Variants in GABBR2 observed in about 807,000 individuals in gnomAD.
GABBR2 encodes the protein gamma-aminobutyric acid type B receptor subunit 2, also known as G-protein coupled receptor 51.
Under a neutral mutation model 105.6 loss-of-function variants are expected in GABBR2, and 23 were observed. The observed-to-expected ratio is 0.22, with a 90% CI of 0.16 to 0.31. GABBR2 has a LOEUF of 0.31. Among genes scored for constraint, GABBR2 ranks in the 10% least tolerant of loss-of-function variants. The pLI is 1.00. For synonymous variants in GABBR2, 478 were observed against 499.7 expected (o/e 0.96, Z 0.58); for missense variants, 734 against 1,245.5 (o/e 0.59, Z 6.18).
At chr9:98,511,540 A>C (rs1274043811) in intron 3 of GABBR2, among the ~76,000 whole-genome samples, 7 of 150,990 alleles carry the variant, frequency 4.6e-5, no homozygotes, top group African/African-American at 1.5e-4. Context: ...AGAGAGAAGA[A>C]TCAAATAGAC....
chr9:98,656,546 A>C (rs1830186513), intron 1 of GABBR2, among the ~76,000 whole-genome samples: 2 of 152,334 alleles, frequency 1.3e-5, no homozygotes, highest in African/African-American at 4.8e-5. Context: ...ACCTTCCTAT[A>C]ATCTTACCAG....
At chr9:98,344,396 C>T (rs1193037346) in intron 13 of GABBR2, among the ~76,000 whole-genome samples, 3 of 152,194 alleles carry the variant, frequency 2.0e-5, no homozygotes, top group Non-Finnish European at 4.4e-5. Flanking sequence ...GGTTTATCTA[C>T]ACCTGCTATA....
intron 1 of GABBR2, among the ~76,000 whole-genome samples, chr9:98,629,804 T>G (rs1829793174): frequency 6.6e-6 from 1 of 152,216 alleles, no homozygotes; most frequent in African/African-American, 2.4e-5. Flanking sequence ...CAAAGGTCAC[T>G]GAAGTTATTA....
At chr9:98,513,116 T>G (rs1018516438) in intron 3 of GABBR2, among the ~76,000 whole-genome samples, 2 of 152,190 alleles carry the variant, frequency 1.3e-5, no homozygotes, top group Non-Finnish European at 2.9e-5. Flanking sequence ...TCTACAACTA[T>G]CTGATCTTTG....
chr9:98,385,790 C>T lies in GABBR2; in HGVS notation c.1530-18G>A. 6.3e-7 allele frequency: 1 copy of T among 1,599,622 alleles called. No homozygotes were observed. Among genetic ancestry groups the T allele is most frequent in the Non-Finnish European group, 8.6e-7 (1 of 1,167,446 alleles). On this transcript the variant is annotated intron_variant, in intron 10 of 18. Transcript: ENST00000259455. ...TTATGAGCCTGACAAGAGAAAGAGA[C>T]AATAGATTTAACAGAATGGTTAATT...
At chr9:98,518,092 C>G (rs545406650) in intron 3 of GABBR2, among the ~76,000 whole-genome samples, 1 of 152,198 alleles carries the variant, frequency 6.6e-6, no homozygotes, top group Non-Finnish European at 1.5e-5. Flanking sequence ...TGGCTGCTTC[C>G]TGGCTTGGTT....
intron 7 of GABBR2, among the ~76,000 whole-genome samples, chr9:98,443,973 G>A (rs900367129): frequency 6.6e-6 from 1 of 152,202 alleles, no homozygotes; most frequent in Non-Finnish European, 1.5e-5. Flanking sequence ...ATGAATGCTG[G>A]TTGAATTAAT....
intron 5 of GABBR2, among the ~76,000 whole-genome samples, chr9:98,477,078 T>G (rs1344033368): frequency 1.3e-5 from 2 of 152,140 alleles, no homozygotes; most frequent in African/African-American, 2.4e-5. Context: ...TATGCTTCTC[T>G]GTCTCCTCTG....
intron 1 of GABBR2, among the ~76,000 whole-genome samples, chr9:98,585,582 G>A (rs191106810): frequency 0.1 from 15,863 of 151,274 alleles, 967 homozygotes; most frequent in African/African-American, 0.15. Context: ...CATGGCACAC[G>A]TATACATATG....
intron 6 of GABBR2, among the ~76,000 whole-genome samples, chr9:98,457,443 G>A (rs1826344755): frequency 6.6e-6 from 1 of 152,120 alleles, no homozygotes. Flanking sequence ...TTTGTTTTGT[G>A]GGACACTAAG....
intron 12 of GABBR2, among the ~76,000 whole-genome samples, chr9:98,371,191 C>A (rs553973855): frequency 6.6e-6 from 1 of 152,290 alleles, no homozygotes; most frequent in African/African-American, 2.4e-5. Flanking sequence ...CCTCCAGGCC[C>A]CAGCATAGGT....
Position 98,496,393 on chromosome 9 carries a change from C to T in GABBR2, c.732+20G>A. 4.8e-6 allele frequency: 7 copies of T among 1,464,156 alleles called. No individual in the cohort carries two copies. Among genetic ancestry groups the T allele is most frequent in the Non-Finnish European group, 6.7e-6 (7 of 1,043,330 alleles). 90.7% of individuals were successfully genotyped at this position (1,464,156 alleles called of 1,614,324 possible). A position where few individuals can be genotyped will look rare whatever the true frequency, so the allele number is the denominator to read the frequency against. On this transcript the variant is annotated intron_variant, in intron 4 of 18. Transcript: ENST00000259455. ...CATTGAGATCAGTCTGCCATTCACC[C>T]TGTGGCTAGCCACACCTACCTTCAG...
intron 1 of GABBR2, among the ~76,000 whole-genome samples, chr9:98,691,125 T>A (rs982568776): frequency 6.6e-6 from 1 of 152,198 alleles, no homozygotes; most frequent in Admixed American, 6.5e-5. Context: ...ATTTTTTGAT[T>A]GTTAAAATTA....
At chr9:98,541,791 T>A in intron 3 of GABBR2, 82 bp downstream of exon 3, 1 of 1,294,840 alleles carries the variant, frequency 7.7e-7, no homozygotes, top group Non-Finnish European at 1.1e-6. Flanking sequence ...ACAGTACCCA[T>A]CCCTGACTAA....
At chr9:98,488,478 A>G (rs1419723389) in intron 4 of GABBR2, among the ~76,000 whole-genome samples, 3 of 152,176 alleles carry the variant, frequency 2.0e-5, no homozygotes. Flanking sequence ...TCTAAATGGC[A>G]CAGACATATT....
chr9:98,442,073 A>C (rs1285849436), intron 7 of GABBR2, among the ~76,000 whole-genome samples: 1 of 152,218 alleles, frequency 6.6e-6, no homozygotes, highest in African/African-American at 2.4e-5. Context: ...ATCCAAAATA[A>C]ATATGTATTA....
chr9:98,565,708 C>A (rs1167766), intron 2 of GABBR2, among the ~76,000 whole-genome samples: 46,613 of 151,998 alleles, frequency 0.31, 7,978 homozygotes, highest in East Asian at 0.62. Flanking sequence ...TATAATGCCA[C>A]TGCCAAGCCC....
intron 3 of GABBR2, among the ~76,000 whole-genome samples, chr9:98,510,235 C>G (rs1827608642): frequency 6.6e-6 from 1 of 152,168 alleles, no homozygotes; most frequent in Non-Finnish European, 1.5e-5. Flanking sequence ...GATTTTGTCA[C>G]CACCAGGCCT....
intron 11 of GABBR2, among the ~76,000 whole-genome samples, chr9:98,384,723 A>AAT (rs568390828): frequency 9.9e-5 from 15 of 152,126 alleles, no homozygotes; most frequent in South Asian, 2.1e-4. Context: ...GACTTCATTA[A>AAT]ATATATATAT....
Sources: allele counts gnomAD v4.1 joint callset (sites outside exome capture counted in the v4.1 genomes callset), GRCh38; gene constraint gnomAD v4.1.1; transcripts MANE v1.5; gene names NCBI Gene and HGNC (gene_info 2026-07-23, HGNC 2026-07-21).